OPRM1: variants seen among roughly 807,000 people sequenced by gnomAD.
OPRM1 encodes mu-type opioid receptor.
A neutral mutation model predicts 31.8 loss-of-function variants in OPRM1; 27 were observed. The observed-to-expected ratio is 0.85, with a 90% CI of 0.63 to 1.17. OPRM1 has a LOEUF of 1.17. Ranked by LOEUF, OPRM1 falls within the 50% of genes most tolerant of loss-of-function variation. The pLI is 0.00. For synonymous variants in OPRM1, 196 were observed against 189.9 expected, an observed-to-expected ratio of 1.03 and a Z score of -0.26; for missense variants, 536 against 511.1, an observed-to-expected ratio of 1.05 and a Z score of -0.47.
intron 3 of OPRM1, among the ~76,000 whole-genome samples, chr6:154,200,970 G>A (rs575989449): frequency 6.6e-6 from 1 of 152,216 alleles, no homozygotes; most frequent in Admixed American, 6.5e-5. Flanking sequence ...TTGGATCATG[G>A]GGGTGGTTTC....
chr6:154,111,994 T>C (rs983391426), intron 3 of OPRM1, among the ~76,000 whole-genome samples: 3 of 152,182 alleles, frequency 2.0e-5, no homozygotes, highest in Non-Finnish European at 2.9e-5. Flanking sequence ...CTCGATCTCC[T>C]GACCTTGTGA....
chr6:154,197,357 C>T (rs1053842625), intron 3 of OPRM1, among the ~76,000 whole-genome samples: 4 of 152,156 alleles, frequency 2.6e-5, no homozygotes, highest in Non-Finnish European at 5.9e-5. Flanking sequence ...TTGCTGTTTC[C>T]ATAGAGATGA....
chr6:154,241,086 C>T (rs969086345), intron 3 of OPRM1, among the ~76,000 whole-genome samples: 4 of 151,592 alleles, frequency 2.6e-5, no homozygotes, highest in African/African-American at 7.3e-5. Context: ...AAATACAAAA[C>T]TTAGCTGGGC....
chr6:154,231,939 A>T (rs1779757102), intron 3 of OPRM1, among the ~76,000 whole-genome samples: 1 of 152,230 alleles, frequency 6.6e-6, no homozygotes, highest in Non-Finnish European at 1.5e-5. Flanking sequence ...ACAAATAATC[A>T]TTGCTCTGAA....
At chr6:154,193,114 G>A (rs1802080603) in intron 3 of OPRM1, among the ~76,000 whole-genome samples, 1 of 152,186 alleles carries the variant, frequency 6.6e-6, no homozygotes, top group Admixed American at 6.5e-5. Context: ...TATGGAACCA[G>A]CCCAGATGCC....
intron 1 of OPRM1, among the ~76,000 whole-genome samples, chr6:154,073,024 G>A (rs142094200): frequency 5.3e-4 from 81 of 152,296 alleles, no homozygotes; most frequent in African/African-American, 1.7e-3. Context: ...AAATAGCTAA[G>A]TCACTCCTCC....
At chr6:154,017,617 T>G (rs1356477091) in intron 1 of OPRM1, among the ~76,000 whole-genome samples, 1 of 151,900 alleles carries the variant, frequency 6.6e-6, no homozygotes, top group Non-Finnish European at 1.5e-5. Context: ...GTCAAGAAAA[T>G]TTATTGTTCA....
intron 3 of OPRM1, among the ~76,000 whole-genome samples, chr6:154,186,904 C>A (rs565349120): frequency 1.5e-4 from 23 of 152,260 alleles, no homozygotes; most frequent in African/African-American, 5.5e-4. Context: ...CTCCTCCCTG[C>A]AGAGGGAACC....
Position 154,039,498 on chromosome 6 carries a change from T to G in OPRM1, c.-47T>G, listed in dbSNP as rs1329627334. 6.4e-7 allele frequency: 1 copy of G among 1,572,506 alleles called. No individual in the cohort carries two copies. The highest frequency in any genetic ancestry group is 8.6e-7 in the Non-Finnish European group (1 of 1,158,714). ...GCGCTTGGAACCCGAAAAGTCTCGG[T>G]GCTCCTGGCTACCTCGCACAGCGGT... On this transcript the variant is annotated 5_prime_UTR_variant, in exon 1 of 4. Transcript: ENST00000330432.
chr6:154,199,932 A>G (rs774981014), intron 3 of OPRM1: 2 of 1,614,110 alleles, frequency 1.2e-6, no homozygotes, highest in Non-Finnish European at 1.7e-6. Flanking sequence ...CTCTCTTTAG[A>G]TAAGGAGGAA....
chr6:154,147,020 A>G (rs1798375926), intron 3 of OPRM1, among the ~76,000 whole-genome samples: 1 of 152,150 alleles, frequency 6.6e-6, no homozygotes, highest in South Asian at 2.1e-4. Context: ...CCTTAAGGGA[A>G]ATGGACTTTT....
At chr6:154,048,036 G>T (rs1406685941) in intron 1 of OPRM1, among the ~76,000 whole-genome samples, 1 of 152,108 alleles carries the variant, frequency 6.6e-6, no homozygotes, top group African/African-American at 2.4e-5. Flanking sequence ...CTGCTCTCAT[G>T]ACCTAATCAC....
At chr6:154,148,615 A>G (rs1415735357) in intron 3 of OPRM1, among the ~76,000 whole-genome samples, 1 of 152,168 alleles carries the variant, frequency 6.6e-6, no homozygotes, top group Non-Finnish European at 1.5e-5. Flanking sequence ...ATTCAATATA[A>G]AGATCAGATC....
intron 1 of OPRM1, among the ~76,000 whole-genome samples, chr6:154,071,955 A>G (rs533798560): frequency 1.8e-3 from 271 of 152,274 alleles, no homozygotes; most frequent in Admixed American, 2.1e-3. Context: ...TTTATATTCT[A>G]TGGAATTTTG....
At chr6:154,207,250 G>C (rs1202643239) in intron 3 of OPRM1, among the ~76,000 whole-genome samples, 1 of 152,206 alleles carries the variant, frequency 6.6e-6, no homozygotes, top group Non-Finnish European at 1.5e-5. Context: ...GTTAAAGCCA[G>C]AGGCAAAAAT....
rs192234699 is a variant in OPRM1, at chr6:154,213,035, A to G, written c.1165-33658A>G. 55 of 576,814 alleles carry G rather than the reference A, an allele frequency of 9.5e-5. No homozygotes were observed. The East Asian group carries it at 1.5e-3, about 16-fold the overall frequency. 35.7% of individuals were successfully genotyped at this position (576,814 alleles called of 1,614,324 possible). ...GGAATTACATAAGAGGCAGAAACAAATGGCCAATTCGGGGCTCCTGACCTC... is the reference window on the plus strand; with the variant it reads ...GGAATTACATAAGAGGCAGAAACAAGTGGCCAATTCGGGGCTCCTGACCTC... On this transcript the variant is annotated intron_variant, in intron 3 of 3. Coordinates refer to the OPRM1 transcript ENST00000337049.
intron 3 of OPRM1, among the ~76,000 whole-genome samples, chr6:154,209,080 A>C (rs902285106): frequency 6.6e-6 from 1 of 152,232 alleles, no homozygotes; most frequent in Non-Finnish European, 1.5e-5. Context: ...TTAGAAGCAG[A>C]AGTCCAAACT....
chr6:154,166,302 G>A (rs773142422), intron 3 of OPRM1, among the ~76,000 whole-genome samples: 1 of 152,176 alleles, frequency 6.6e-6, no homozygotes, highest in Admixed American at 6.5e-5. Flanking sequence ...GGCCAGGTGA[G>A]GGCATGGTGC....
chr6:154,065,716 T>C (rs537133973), intron 1 of OPRM1, among the ~76,000 whole-genome samples: 3 of 152,278 alleles, frequency 2.0e-5, no homozygotes, highest in East Asian at 3.9e-4. Flanking sequence ...TGCAAACATA[T>C]TCATTTTACT....
Sources: allele counts gnomAD v4.1 joint callset (sites outside exome capture counted in the v4.1 genomes callset), GRCh38; gene constraint gnomAD v4.1.1; transcripts MANE v1.5; gene names NCBI Gene and HGNC (gene_info 2026-07-23, HGNC 2026-07-21).